CACHD1: variants seen among roughly 807,000 people sequenced by gnomAD.
The protein encoded by CACHD1 is cache domain containing 1, also known as VWFA and cache domain-containing protein 1.
CACHD1 carries 71 observed loss-of-function variants against 138.7 expected under a neutral mutation model. The observed-to-expected ratio is 0.51, with a 90% CI of 0.42 to 0.62. The LOEUF is 0.62. Ranked by LOEUF, CACHD1 falls within the 20% of genes least tolerant of loss-of-function variation. The pLI, the probability that CACHD1 is intolerant of heterozygous loss-of-function variation, is 0.00. For synonymous variants in CACHD1, 578 were observed against 591.5 expected (o/e 0.98, Z 0.33); for missense variants, 1,389 against 1,625.3 (o/e 0.85, Z 2.50).
Position 64,629,458 on chromosome 1 carries a change from G to A in CACHD1, c.621G>A (p.Lys207=). ...TCCCAGCACACAAGTTCCGGTGTAA[G>A]GGCAGCTACGAACACCGCAGTAGGT... The part of the protein sequence containing the change: ...TVFPAHKFRC[K]GSYEHRSRPI... The change falls in exon 5 of 27, where the codon AAG becomes AAA. Residue 207 remains lysine, a synonymous_variant. Coordinates refer to ENST00000651257, the MANE Select transcript of CACHD1 (RefSeq NM_020925.4). The A allele has an allele frequency of 1.9e-6, 3 of 1,614,072 alleles. No individual in the cohort carries two copies. The highest frequency in any genetic ancestry group is 2.5e-6 in the Non-Finnish European group (3 of 1,179,942).
At chr1:64,650,160 C>T (rs1430554290) in intron 9 of CACHD1, among the ~76,000 whole-genome samples, 1 of 152,208 alleles carries the variant, frequency 6.6e-6, no homozygotes, top group Non-Finnish European at 1.5e-5. Flanking sequence ...GATCAAGAGT[C>T]TTCTGTCCCA....
At chr1:64,548,373 T>C (rs1258717727) in intron 1 of CACHD1, among the ~76,000 whole-genome samples, 2 of 152,236 alleles carry the variant, frequency 1.3e-5, no homozygotes, top group South Asian at 2.1e-4. Context: ...AGTCACTATA[T>C]GAATTATGTT....
intron 4 of CACHD1, among the ~76,000 whole-genome samples, chr1:64,622,148 C>T (rs1189888728): frequency 1.3e-5 from 2 of 152,180 alleles, no homozygotes; most frequent in Non-Finnish European, 2.9e-5. Context: ...AAATAAAAGC[C>T]ACCTAAGGCT....
intron 1 of CACHD1, among the ~76,000 whole-genome samples, chr1:64,481,599 A>C (rs546935682): frequency 6.6e-6 from 1 of 152,342 alleles, no homozygotes; most frequent in South Asian, 2.1e-4. Flanking sequence ...ACATTACTGC[A>C]GTGTGGAAGA....
chr1:64,683,078 A>AATGCAAAAATAGATACTCCTC (rs1553147008), intron 26 of CACHD1, among the ~76,000 whole-genome samples: 2 of 152,180 alleles, frequency 1.3e-5, no homozygotes, highest in African/African-American at 4.8e-5. Flanking sequence ...TACACTAAAA[A>AATGCAAAAATAGATACTCCTC]ATGCAAAAAT....
At position 64,670,166 on chromosome 1, in the gene CACHD1, A is replaced by G. The variant is rs567931227; in HGVS notation, c.2388-1398A>G. Reference sequence around the variant, plus strand: ...TTTAAAGCCCTGCTTCCACCAGCCCATTGTTGTGTGTCTGTAGTCCCAGCT... The same window carrying G: ...TTTAAAGCCCTGCTTCCACCAGCCCGTTGTTGTGTGTCTGTAGTCCCAGCT... On this transcript the variant is annotated intron_variant, in intron 16 of 26. Coordinates refer to ENST00000651257, the MANE Select transcript of CACHD1 (RefSeq NM_020925.4). Among the ~76,000 whole-genome samples the G allele has an allele frequency of 5.2e-4, 79 of 152,252 alleles. No individual in the cohort carries two copies. In the Middle Eastern group the frequency reaches 0.014, roughly 26 times the overall value.
At chr1:64,655,679 G>GT in intron 12 of CACHD1, among the ~76,000 whole-genome samples, 1 of 152,246 alleles carries the variant, frequency 6.6e-6, no homozygotes, top group East Asian at 1.9e-4. Context: ...TAGAGAAAGC[G>GT]TATCTAACAC....
intron 4 of CACHD1, among the ~76,000 whole-genome samples, chr1:64,619,526 A>G (rs1256448305): frequency 6.6e-6 from 1 of 152,182 alleles, no homozygotes; most frequent in Non-Finnish European, 1.5e-5. Flanking sequence ...AGTATTTTAT[A>G]GTATGGAGAT....
intron 26 of CACHD1, among the ~76,000 whole-genome samples, chr1:64,684,308 A>G (rs1300378125): frequency 2.2e-5 from 3 of 136,748 alleles, no homozygotes; most frequent in Non-Finnish European, 4.8e-5. Context: ...TTGGTATTTT[A>G]TCGCCATTTA....
At chr1:64,642,099 C>A in intron 8 of CACHD1, 130 bp downstream of exon 8, 1 of 678,650 alleles carries the variant, frequency 1.5e-6, no homozygotes. Context: ...CCAGGCGGCT[C>A]TTTCTCTACC....
intron 1 of CACHD1, among the ~76,000 whole-genome samples, chr1:64,503,518 G>C (rs946223273): frequency 6.6e-6 from 1 of 152,188 alleles, no homozygotes; most frequent in Non-Finnish European, 1.5e-5. Context: ...TCTTACATGT[G>C]AATAAAGAGA....
Position 64,664,654 on chromosome 1 carries a change from G to C in CACHD1, c.2251G>C (p.Ala751Pro), listed in dbSNP as rs999514201. The C allele has an allele frequency of 1.9e-6, 3 of 1,614,020 alleles. No homozygotes were observed. Among genetic ancestry groups the C allele is most frequent in the African/African-American group, 2.7e-5 (2 of 74,930 alleles). The change falls in exon 15 of 27, where the codon GCA becomes CCA. Residue 751 changes from alanine to proline, a missense_variant. By Grantham distance (27) the Ala-to-Pro change is conservative. Coordinates refer to ENST00000651257, the MANE Select transcript of CACHD1 (RefSeq NM_020925.4). ...RIYPGSLMDK[A>P]FDPTRRQWYL... The stretch of plus-strand genomic sequence containing the variant: ...TTATCCTGGTTCCCTCATGGACAAA[G>C]CATTTGATCCCACTAGGAGACAATG...
chr1:64,521,776 T>C (rs1646499672), intron 1 of CACHD1, among the ~76,000 whole-genome samples: 1 of 152,204 alleles, frequency 6.6e-6, no homozygotes, highest in African/African-American at 2.4e-5. Flanking sequence ...TTTGTGTATC[T>C]TCCCTGGAAA....
At chr1:64,608,442 G>A (rs1349617118) in intron 4 of CACHD1, among the ~76,000 whole-genome samples, 2 of 152,098 alleles carry the variant, frequency 1.3e-5, no homozygotes, top group Non-Finnish European at 2.9e-5. Context: ...CTTTCATACT[G>A]TATATAATTC....
intron 1 of CACHD1, among the ~76,000 whole-genome samples, chr1:64,483,706 G>T (rs1001794635): frequency 6.3e-5 from 9 of 143,626 alleles, no homozygotes; most frequent in African/African-American, 2.4e-4. Context: ...AAAAAAAAGT[G>T]CCAAGGAGAT....
chr1:64,641,756 A>C, intron 7 of CACHD1, 64 bp from the exon 8 acceptor site: 1 of 1,333,328 alleles, frequency 7.5e-7, no homozygotes, highest in South Asian at 1.6e-5. Context: ...CATGAACAGG[A>C]AACTGAACTG....
intron 4 of CACHD1, 139 bp downstream of exon 4, chr1:64,603,051 G>A (rs1327670542): frequency 1.3e-5 from 4 of 302,812 alleles, no homozygotes; most frequent in Admixed American, 5.5e-5. Flanking sequence ...TTGCTGGAAA[G>A]TTAACCCTCA....
At chr1:64,686,286 T>C (rs1273609561) in intron 26 of CACHD1, among the ~76,000 whole-genome samples, 24 of 152,214 alleles carry the variant, frequency 1.6e-4, no homozygotes, top group Admixed American at 1.6e-3. Flanking sequence ...GCCTCGGCTC[T>C]CATGGTATGA....
chr1:64,664,125 T>C (rs1054400698), intron 14 of CACHD1: 1 of 472,372 alleles, frequency 2.1e-6, no homozygotes, highest in African/African-American at 1.9e-5. Context: ...TTCCCAGCCC[T>C]GTCTTACCCA....
Sources: allele counts gnomAD v4.1 joint callset (sites outside exome capture counted in the v4.1 genomes callset), GRCh38; gene constraint gnomAD v4.1.1; transcripts MANE v1.5; gene names NCBI Gene and HGNC (gene_info 2026-07-23, HGNC 2026-07-21).